UBR3: variants seen among roughly 807,000 people sequenced by gnomAD.
The protein encoded by UBR3 is E3 ubiquitin-protein ligase UBR3.
In UBR3, 85 loss-of-function variants were observed where a neutral mutation model predicts 243.2. That is an observed-to-expected ratio of 0.35 (90% CI 0.29 to 0.42). The LOEUF is 0.42. Ranked by LOEUF, UBR3 falls within the 10% of genes least tolerant of loss-of-function variation. The pLI is 1.00. For missense variants in UBR3, 1,686 were observed against 2,300.8 expected (o/e 0.73, Z 5.47); for synonymous variants, 748 against 799.8 (o/e 0.94, Z 1.09).
chr2:169,860,357 T>C (rs990042919), intron 1 of UBR3, among the ~76,000 whole-genome samples: 1 of 152,150 alleles, frequency 6.6e-6, no homozygotes, highest in Non-Finnish European at 1.5e-5. Flanking sequence ...ACTCAGGGCT[T>C]ATCTTTAAGC....
chr2:169,855,439 G>A (rs1019116660), intron 1 of UBR3, among the ~76,000 whole-genome samples: 2 of 152,132 alleles, frequency 1.3e-5, no homozygotes, highest in Middle Eastern at 3.4e-3. Flanking sequence ...TGGAGGGAAG[G>A]TCAGGAGATA....
chr2:170,024,225 G>A (rs1298984332), intron 30 of UBR3, among the ~76,000 whole-genome samples: 1 of 151,800 alleles, frequency 6.6e-6, no homozygotes, highest in Non-Finnish European at 1.5e-5. Flanking sequence ...GTGGTGGTGG[G>A]AGCCTGTAAT....
intron 1 of UBR3, among the ~76,000 whole-genome samples, chr2:169,832,701 G>A (rs986932045): frequency 6.6e-6 from 1 of 152,096 alleles, no homozygotes; most frequent in East Asian, 1.9e-4. Flanking sequence ...TTGGGAGGCC[G>A]AGGCAGGCGG....
chr2:170,056,968 G>A (rs1042556947), intron 33 of UBR3, among the ~76,000 whole-genome samples: 4 of 152,012 alleles, frequency 2.6e-5, no homozygotes, highest in Admixed American at 2.6e-4. Flanking sequence ...TGAAAGGTTT[G>A]GACCATATGA....
At position 169,827,528 on chromosome 2, in the gene UBR3, G is replaced by C; in HGVS notation, c.21G>C (p.Ala7=). Residue 7 remains alanine, a synonymous_variant, in exon 1 of 39, where the codon GCG becomes GCC. Transcript: ENST00000272793. MAAAAA[A]AVGGQQPSQP... ...TCATCATGGCGGCGGCGGCCGCGGC[G>C]GCCGTCGGGGGCCAGCAGCCGTCAC... 8.1e-7 allele frequency: 1 copy of C among 1,231,200 alleles called. No individual in the cohort carries two copies. The highest frequency in any genetic ancestry group is 3.2e-5 in the East Asian group (1 of 31,336). 76.3% of individuals were successfully genotyped at this position (1,231,200 alleles called of 1,614,324 possible). A position where few individuals can be genotyped will look rare whatever the true frequency, so the allele number is the denominator to read the frequency against.
chr2:170,017,035 A>T (rs2090256067), intron 30 of UBR3: 2 of 175,938 alleles, frequency 1.1e-5, no homozygotes, highest in Non-Finnish European at 2.6e-5. Context: ...TGTTGTATAT[A>T]TGCAAAATCC....
At chr2:170,045,298 A>G (rs2091056915) in intron 32 of UBR3, among the ~76,000 whole-genome samples, 1 of 152,180 alleles carries the variant, frequency 6.6e-6, no homozygotes, top group African/African-American at 2.4e-5. Context: ...TGATTCAGTT[A>G]TCTCCCACTG....
chr2:169,902,704 G>T (rs530592420), intron 8 of UBR3, among the ~76,000 whole-genome samples: 9 of 152,094 alleles, frequency 5.9e-5, no homozygotes, highest in Admixed American at 2.0e-4. Flanking sequence ...CCGCCTCCCG[G>T]GTTCAAGTGA....
chr2:169,886,133 C>T (rs532654573), intron 5 of UBR3, among the ~76,000 whole-genome samples: 3 of 145,332 alleles, frequency 2.1e-5, no homozygotes, highest in South Asian at 2.2e-4. Context: ...CCCCAGCCTG[C>T]GCGACAGAGT....
intron 25 of UBR3, 144 bp from the exon 26 acceptor site, chr2:169,994,179 T>G: frequency 1.1e-6 from 1 of 885,246 alleles, no homozygotes. Flanking sequence ...AAAACTAGAA[T>G]ACCACTTTTT....
chr2:170,083,602 T>C lies in UBR3; in HGVS notation c.*1759T>C, dbSNP rs1396927781. On this transcript the variant is annotated 3_prime_UTR_variant, in exon 39 of 39. Coordinates refer to ENST00000272793, the MANE Select transcript of UBR3 (RefSeq NM_172070.4). The stretch of plus-strand genomic sequence containing the variant: ...AATACTGTTACAGGATTCATGAACT[T>C]GAATAATTCTACAGTTTGAAACTCT... 1 of 152,638 alleles carries C rather than the reference T, an allele frequency of 6.6e-6. No individual in the cohort carries two copies. Among genetic ancestry groups the C allele is most frequent in the East Asian group, 1.9e-4 (1 of 5,204 alleles). 9.5% of individuals were successfully genotyped at this position (152,638 alleles called of 1,614,324 possible).
chr2:169,928,649 TGAGAAACTA>T, intron 17 of UBR3, 69 bp from the exon 18 acceptor site: 2 of 1,223,778 alleles, frequency 1.6e-6, no homozygotes, highest in South Asian at 4.6e-5. Context: ...TTCAGCAAAA[TGAGAAACTA>T]GAGTACCTTG....
intron 36 of UBR3, among the ~76,000 whole-genome samples, chr2:170,075,344 A>G (rs752952748): frequency 5.3e-5 from 8 of 152,168 alleles, no homozygotes; most frequent in Non-Finnish European, 8.8e-5. Context: ...ATGCAGGATG[A>G]CATGGAGTAA....
chr2:170,029,380 G>T lies in UBR3; in HGVS notation c.4488G>T (p.Arg1496=), dbSNP rs377119135. The T allele has an allele frequency of 6.2e-7, 1 of 1,611,380 alleles. No homozygotes were observed. The highest frequency in any genetic ancestry group is 8.5e-7 in the Non-Finnish European group (1 of 1,178,576). The change falls in exon 31 of 39, where the codon CGG becomes CGT. Residue 1496 remains arginine, a synonymous_variant. Transcript: ENST00000272793. ...TTCATGTATTAGCCTTGCACATGCG[G>T]CTTTATAGCATTGACTCTGAGTATA... The part of the protein sequence containing the change: ...QLFHVLALHM[R]LYSIDSEYNP...
rs1170168554 is a variant in UBR3, at chr2:169,827,899, A to G, written c.392A>G (p.Tyr131Cys). 1.3e-6 allele frequency: 2 copies of G among 1,518,864 alleles called. No individual in the cohort carries two copies. The highest frequency in any genetic ancestry group is 2.0e-5 in the Admixed American group (1 of 48,912). The allele number at this position is 1,518,864 out of a possible 1,614,324, so 94.1% of individuals were successfully genotyped here. Residue 131 changes from tyrosine to cysteine, a missense_variant, in exon 1 of 39, where the codon TAC (tyrosine) becomes TGC (cysteine). Coordinates refer to ENST00000272793, the MANE Select transcript of UBR3 (RefSeq NM_172070.4). ...GTCTGGACAGCCAACTTCGTGGCCTACCGCTGCCGGACGTGCGGCATCTCG... is the reference window on the plus strand; with the variant it reads ...GTCTGGACAGCCAACTTCGTGGCCTGCCGCTGCCGGACGTGCGGCATCTCG... ...GLVWTANFVA[Y>C]RCRTCGISPC...
At chr2:169,932,610 A>G (rs2086177802) in intron 18 of UBR3, among the ~76,000 whole-genome samples, 1 of 152,078 alleles carries the variant, frequency 6.6e-6, no homozygotes, top group Non-Finnish European at 1.5e-5. Flanking sequence ...GTTTCTTTCT[A>G]ATTGGCACCT....
chr2:169,882,477 A>G (rs2083927960), intron 5 of UBR3, among the ~76,000 whole-genome samples: 1 of 150,326 alleles, frequency 6.7e-6, no homozygotes, highest in South Asian at 2.1e-4. Context: ...GTGGTGGCCC[A>G]TAACTGTAAT....
chr2:170,000,554 G>C (rs1234465773), intron 26 of UBR3, among the ~76,000 whole-genome samples: 1 of 152,224 alleles, frequency 6.6e-6, no homozygotes, highest in Non-Finnish European at 1.5e-5. Flanking sequence ...ATAGATTGTG[G>C]AGTTATTGAA....
intron 24 of UBR3, among the ~76,000 whole-genome samples, chr2:169,969,708 C>G (rs1306720990): frequency 1.3e-5 from 2 of 151,824 alleles, no homozygotes; most frequent in Admixed American, 1.3e-4. Context: ...GCCACCATGC[C>G]CGGCTAATTT....
Sources: gnomAD v4.1 joint callset for allele counts (sites outside exome capture counted in the v4.1 genomes callset) on GRCh38, gnomAD v4.1.1 for gene constraint, MANE v1.5 for transcripts, NCBI Gene and HGNC (gene_info 2026-07-23, HGNC 2026-07-21) for gene names.